Variants in COL13A1 observed in about 807,000 individuals in gnomAD.
The protein encoded by COL13A1 is collagen type XIII alpha 1 chain.
Under a neutral mutation model 130.9 loss-of-function variants are expected in COL13A1, and 89 were observed. The observed-to-expected ratio is 0.68, with a 90% confidence interval of 0.57 to 0.81. The LOEUF (loss-of-function observed/expected upper bound fraction) is 0.81, where lower values mean the gene tolerates loss of function less well. Ranked by LOEUF, COL13A1 falls within the 30% of genes least tolerant of loss-of-function variation. The pLI is 0.00. For synonymous variants in COL13A1, 402 were observed against 341.6 expected (o/e 1.18, Z -1.95); for missense variants, 879 against 934.6 (o/e 0.94, Z 0.78).
chr10:69,907,094 G>C (rs2062842013), intron 17 of COL13A1, among the ~76,000 whole-genome samples: 1 of 152,164 alleles, frequency 6.6e-6, no homozygotes, highest in Non-Finnish European at 1.5e-5. Flanking sequence ...CAATATTTTA[G>C]ATAGGTAAAC....
chr10:69,902,260 G>A (rs1162302129), intron 14 of COL13A1, among the ~76,000 whole-genome samples: 1 of 152,086 alleles, frequency 6.6e-6, no homozygotes, highest in Non-Finnish European at 1.5e-5. Context: ...TGATCCTCTG[G>A]GTCAGATAAA....
intron 1 of COL13A1, among the ~76,000 whole-genome samples, chr10:69,818,521 A>G (rs1479794350): frequency 6.6e-6 from 1 of 152,248 alleles, no homozygotes; most frequent in Non-Finnish European, 1.5e-5. Flanking sequence ...CGAGTTATCA[A>G]AAGAGATTGG....
intron 34 of COL13A1, among the ~76,000 whole-genome samples, chr10:69,937,989 G>T (rs2067162008): frequency 6.6e-6 from 1 of 152,248 alleles, no homozygotes; most frequent in Non-Finnish European, 1.5e-5. Flanking sequence ...TTCAGGCCCT[G>T]CTTGAGCCTG....
intron 1 of COL13A1, among the ~76,000 whole-genome samples, chr10:69,808,788 C>G (rs1356920071): frequency 6.6e-6 from 1 of 152,224 alleles, no homozygotes; most frequent in Non-Finnish European, 1.5e-5. Flanking sequence ...ATGTAAGGTC[C>G]CCCTGTTAGA....
chr10:69,807,636 A>T (rs555937083), intron 1 of COL13A1, among the ~76,000 whole-genome samples: 57 of 152,244 alleles, frequency 3.7e-4, no homozygotes, highest in Non-Finnish European at 6.8e-4. Context: ...CTTAAAGGGG[A>T]TGTACATGTG....
In COL13A1 at chr10:69,902,796, C is replaced by A. The variant is rs762280884; in HGVS notation, c.799C>A (p.Pro267Thr). The A allele has an allele frequency of 3.9e-6, 6 of 1,552,974 alleles. No individual in the cohort carries two copies. Among genetic ancestry groups the A allele is most frequent in the Admixed American group, 1.9e-5 (1 of 51,362 alleles). The change falls in exon 15 of 41, where the codon CCC becomes ACC. Residue 267 changes from proline to threonine, a missense_variant. By Grantham distance (38) the Pro-to-Thr change is conservative (BLOSUM62 -1). Around this residue, in one of 3 missense-constraint regions of COL13A1, gnomAD observed 715 missense variants for 721.0 expected, o/e 0.99. Coordinates refer to ENST00000645393, the MANE Select transcript of COL13A1 (RefSeq NM_001368882.1). ...SIQGPPGPPGPPGPSGPLGHP... is the reference protein window; with the variant it reads ...SIQGPPGPPGTPGPSGPLGHP... The stretch of plus-strand genomic sequence containing the variant: ...CCAAGGTCCACCAGGGCCCCCAGGC[C>A]CCCCTGGACCAAGTGGACCTCTGGG...
At chr10:69,917,913 TCTC>T (rs563821634) in intron 18 of COL13A1, among the ~76,000 whole-genome samples, 11 of 151,000 alleles carry the variant, frequency 7.3e-5, no homozygotes, top group Non-Finnish European at 1.2e-4. Context: ...TCCCTTCCCA[TCTC>T]CTCCTCCTCC....
intron 1 of COL13A1, among the ~76,000 whole-genome samples, chr10:69,812,258 C>T (rs915829537): frequency 1.1e-4 from 16 of 152,146 alleles, no homozygotes; most frequent in African/African-American, 1.9e-4. Context: ...CATGGTGGCA[C>T]GCTGTCAAGG....
At chr10:69,887,535 T>C (rs1237178418) in intron 8 of COL13A1, 44 bp downstream of exon 8, 2 of 1,606,094 alleles carry the variant, frequency 1.2e-6, no homozygotes, top group African/African-American at 2.7e-5. Context: ...AGGTGGTCTG[T>C]AGGCCTGATT....
chr10:69,917,899 C>T (rs1215039119), intron 18 of COL13A1, among the ~76,000 whole-genome samples: 7 of 152,016 alleles, frequency 4.6e-5, no homozygotes, highest in Non-Finnish European at 8.8e-5. Flanking sequence ...ATTCTCCTGC[C>T]GTCTCCCTTC....
chr10:69,923,672 T>C (rs780364701), intron 23 of COL13A1, 130 bp from the exon 24 acceptor site: 3 of 1,202,714 alleles, frequency 2.5e-6, no homozygotes, highest in Non-Finnish European at 3.5e-6. Flanking sequence ...GAGTGGGAGG[T>C]GCAGAAGCCA....
chr10:69,892,555 G>T lies in COL13A1; in HGVS notation c.604-1997G>T, dbSNP rs905462972. Among the ~76,000 whole-genome samples, 3 of 152,182 alleles carry T rather than the reference G, an allele frequency of 2.0e-5. No individual in the cohort carries two copies. In the East Asian group the frequency reaches 5.8e-4, roughly 29 times the overall value. On this transcript the variant is annotated intron_variant, in intron 10 of 40. Coordinates refer to ENST00000645393, the MANE Select transcript of COL13A1 (RefSeq NM_001368882.1). ...CCAAATCTCACCCACCACCCACAGGGCTGTCGAGTGAGGAGCGCCAGGCAC... is the reference window on the plus strand; with the variant it reads ...CCAAATCTCACCCACCACCCACAGGTCTGTCGAGTGAGGAGCGCCAGGCAC...
intron 35 of COL13A1, 25 bp from the exon 36 acceptor site, chr10:69,944,100 C>T (rs760821335): frequency 1.2e-6 from 2 of 1,609,710 alleles, no homozygotes; most frequent in Non-Finnish European, 1.7e-6. Flanking sequence ...GGGACCCTCA[C>T]CTCTGCTTTC....
At chr10:69,930,214 G>T (rs777594056) in intron 29 of COL13A1, 127 bp downstream of exon 29, 90 of 1,093,274 alleles carry the variant, frequency 8.2e-5, no homozygotes, top group African/African-American at 1.9e-4. Flanking sequence ...GGGAGATGGG[G>T]GGGGGCAGGG....
chr10:69,889,382 T>G, intron 9 of COL13A1, 32 bp from the exon 10 acceptor site: 2 of 1,605,378 alleles, frequency 1.2e-6, no homozygotes, highest in Non-Finnish European at 1.7e-6. Flanking sequence ...CTGCGAACAG[T>G]GCACCTGGTA....
intron 2 of COL13A1, among the ~76,000 whole-genome samples, chr10:69,830,595 TGG>T (rs10579532): frequency 0.19 from 29,348 of 151,988 alleles, 2,854 homozygotes; most frequent in Admixed American, 0.26. Flanking sequence ...AAAGAAATGA[TGG>T]AAATGGTAAA....
chr10:69,815,439 C>T (rs546175255), intron 1 of COL13A1, among the ~76,000 whole-genome samples: 14 of 152,186 alleles, frequency 9.2e-5, no homozygotes, highest in Non-Finnish European at 1.6e-4. Context: ...CAGGAGGCCC[C>T]GGCTGCCAGC....
At chr10:69,842,447 A>T (rs1024430468) in intron 2 of COL13A1, among the ~76,000 whole-genome samples, 1 of 152,154 alleles carries the variant, frequency 6.6e-6, no homozygotes, top group African/African-American at 2.4e-5. Context: ...AAGTGCCCTG[A>T]CACTAAGCCC....
intron 38 of COL13A1, among the ~76,000 whole-genome samples, chr10:69,950,280 T>C (rs186305542): frequency 6.0e-4 from 92 of 152,220 alleles, no homozygotes; most frequent in Non-Finnish European, 1.2e-4. Flanking sequence ...CTCTGTGCAA[T>C]GGATCTCTTT....
Sources: gnomAD v4.1 joint callset for allele counts (sites outside exome capture counted in the v4.1 genomes callset) on GRCh38, gnomAD v4.1.1 for gene constraint, gnomAD v4.1.1 regional missense constraint, MANE v1.5 for transcripts, NCBI Gene and HGNC (gene_info 2026-07-23, HGNC 2026-07-21) for gene names.